The following ROR2 variants were observed in gnomAD, a reference collection of about 807,000 sequenced individuals.
The protein encoded by ROR2 is ROR family WNT receptor 2, also known as tyrosine-protein kinase transmembrane receptor ROR2.
A neutral mutation model predicts 74.9 loss-of-function variants in ROR2; 33 were observed. The ratio of observed to expected loss-of-function variants is 0.44; its 90% CI spans 0.33 to 0.59. The LOEUF is 0.59. ROR2 is among the 20% of genes least tolerant of loss of function. The pLI, the probability that ROR2 is intolerant of heterozygous loss-of-function variation, is 0.02. For missense variants in ROR2, 1,216 were observed against 1,313.8 expected, an observed-to-expected ratio of 0.93 and a Z score of 1.15; for synonymous variants, 586 against 558.7, an observed-to-expected ratio of 1.05 and a Z score of -0.69.
intron 1 of ROR2, among the ~76,000 whole-genome samples, chr9:91,865,669 A>G (rs879583670): frequency 1.3e-5 from 2 of 152,254 alleles, no homozygotes; most frequent in Non-Finnish European, 2.9e-5. Flanking sequence ...TTTATTTTAA[A>G]TGAAATACTA....
chr9:91,859,197 C>T lies in ROR2; in HGVS notation c.98-83379G>A, dbSNP rs867780739. 8.5e-3 allele frequency among the ~76,000 whole-genome samples: 1,034 copies of T among 121,322 alleles called. 19 individuals carry two copies. Among genetic ancestry groups the T allele is most frequent in the African/African-American group, 0.035 (965 of 27,862 alleles). 79.6% of individuals were successfully genotyped at this position (121,322 alleles called of 152,430 possible). ...CAAGAAGGACCATCTGAAAGTATTCCTTTTTTTTTTTTTTTTTTTTTTGAG... is the reference window on the plus strand; with the variant it reads ...CAAGAAGGACCATCTGAAAGTATTCTTTTTTTTTTTTTTTTTTTTTTTGAG... On this transcript the variant is annotated intron_variant, in intron 1 of 8. Transcript: ENST00000375708.
chr9:91,789,081 T>C lies in ROR2; in HGVS notation c.98-13263A>G, dbSNP rs566657344. On this transcript the variant is annotated intron_variant, in intron 1 of 8. Transcript: ENST00000375708. Reference sequence around the variant, plus strand: ...TAACAATGTAATGTATACTTCACGATAGCTAGAAGAGAAGTTTTTTAATGT... The same window carrying C: ...TAACAATGTAATGTATACTTCACGACAGCTAGAAGAGAAGTTTTTTAATGT... 3.6e-3 allele frequency among the ~76,000 whole-genome samples: 555 copies of C among 152,266 alleles called. 1 individual carries two copies. Among genetic ancestry groups the C allele is most frequent in the African/African-American group, 0.013 (535 of 41,544 alleles).
At chr9:91,902,388 T>C (rs1378171332) in intron 1 of ROR2, among the ~76,000 whole-genome samples, 1 of 152,052 alleles carries the variant, frequency 6.6e-6, no homozygotes, top group Non-Finnish European at 1.5e-5. Context: ...AGGCCCTCCA[T>C]CACCTCTCCA....
intron 1 of ROR2, among the ~76,000 whole-genome samples, chr9:91,808,687 G>A (rs1359449797): frequency 6.6e-6 from 1 of 151,724 alleles, no homozygotes; most frequent in African/African-American, 2.4e-5. Flanking sequence ...GGCTGGGCAC[G>A]GTGGCTCACG....
intron 1 of ROR2, among the ~76,000 whole-genome samples, chr9:91,818,936 T>C (rs1290189805): frequency 2.0e-5 from 3 of 152,144 alleles, no homozygotes; most frequent in African/African-American, 7.2e-5. Flanking sequence ...CTCCCTCTTC[T>C]GCAGGTCATG....
At chr9:91,874,287 C>T (rs1829892403) in intron 1 of ROR2, among the ~76,000 whole-genome samples, 1 of 152,230 alleles carries the variant, frequency 6.6e-6, no homozygotes, top group South Asian at 2.1e-4. Context: ...GGAGGCTCTG[C>T]ACACTCGCTC....
In ROR2 at chr9:91,757,363, G is replaced by A. The variant is rs145568368; in HGVS notation, c.372C>T (p.Asp124=). Residue 124 remains aspartate, a synonymous_variant, in exon 3 of 9, where the codon GAC becomes GAT. Transcript: ENST00000375708. The part of the protein sequence containing the change: ...TEYGSRLRIQ[D]LDTTDTGYYQ... ...AGTAGCCAGTGTCTGTCGTGTCCAG[G>A]TCCTGGATTCGCAGTCGTGAACCAT... The A allele has an allele frequency of 3.6e-3, 5,832 of 1,613,978 alleles. 26 individuals are homozygous for A. The highest frequency in any genetic ancestry group is 4.7e-3 in the South Asian group (428 of 91,052).
At chr9:91,857,091 C>T (rs1053208991) in intron 1 of ROR2, among the ~76,000 whole-genome samples, 1 of 152,260 alleles carries the variant, frequency 6.6e-6, no homozygotes, top group African/African-American at 2.4e-5. Context: ...CACTTATGTG[C>T]AGTGTGGCAG....
chr9:91,830,667 G>A (rs1265184152), intron 1 of ROR2, among the ~76,000 whole-genome samples: 12 of 141,858 alleles, frequency 8.5e-5, no homozygotes, highest in Admixed American at 8.1e-4. Flanking sequence ...ATGGAGCTTC[G>A]AGTTTATTTT....
At chr9:91,800,691 C>T (rs575944845) in intron 1 of ROR2, among the ~76,000 whole-genome samples, 2 of 152,318 alleles carry the variant, frequency 1.3e-5, no homozygotes, top group East Asian at 1.9e-4. Flanking sequence ...GAGCACAGCA[C>T]GTGGGCATCA....
At chr9:91,735,651 A>T (rs1220828673) in intron 5 of ROR2, among the ~76,000 whole-genome samples, 4 of 90,540 alleles carry the variant, frequency 4.4e-5, no homozygotes, top group South Asian at 8.0e-4. Flanking sequence ...TTTGAGACAG[A>T]GTCTTGCTCT....
chr9:91,731,291 G>C, intron 6 of ROR2, 136 bp from the exon 7 acceptor site: 1 of 1,232,620 alleles, frequency 8.1e-7, no homozygotes, highest in Non-Finnish European at 1.2e-6. Flanking sequence ...AAAAGTAATG[G>C]CTTAATGAAG....
At chr9:91,776,926 AT>A (rs1296497016) in intron 1 of ROR2, among the ~76,000 whole-genome samples, 1 of 152,206 alleles carries the variant, frequency 6.6e-6, no homozygotes, top group African/African-American at 2.4e-5. Flanking sequence ...CACTAGCCCA[AT>A]TTCCCTGTGG....
intron 1 of ROR2, among the ~76,000 whole-genome samples, chr9:91,781,654 T>C (rs1397711456): frequency 3.9e-5 from 6 of 152,198 alleles, no homozygotes; most frequent in East Asian, 1.9e-4. Context: ...CAGTACCTAA[T>C]TGGTAGTGGT....
chr9:91,885,868 C>CTTTTTTTTTT (rs542499117), intron 1 of ROR2, among the ~76,000 whole-genome samples: 1 of 108,158 alleles, frequency 9.2e-6, no homozygotes, highest in Non-Finnish European at 1.8e-5. Flanking sequence ...GTATGGTTTC[C>CTTTTTTTTTT]TTTTTTTTTT....
At chr9:91,765,651 T>C (rs1279569436) in intron 2 of ROR2, among the ~76,000 whole-genome samples, 1 of 152,238 alleles carries the variant, frequency 6.6e-6, no homozygotes, top group Non-Finnish European at 1.5e-5. Flanking sequence ...ATCTCTCATC[T>C]GACCTCCAGG....
At position 91,756,743 on chromosome 9, in the gene ROR2, CTTTTTT is replaced by C. The variant is rs557043787; in HGVS notation, c.463+523_463+528del. 5.9e-3 allele frequency among the ~76,000 whole-genome samples: 609 copies of C among 104,062 alleles called. 4 individuals carry two copies. The highest frequency in any genetic ancestry group is 0.018 in the African/African-American group (512 of 27,986). 68.3% of individuals were successfully genotyped at this position (104,062 alleles called of 152,430 possible). On this transcript the variant is annotated intron_variant, in intron 3 of 8. Transcript: ENST00000375708. ...TCTGCACCTATTTTCTTTTTGTTCT[CTTTTTT>C]TTTTTTTTTTTTTTTTTTGAGACAG...
chr9:91,916,215 T>C (rs1330919960), intron 1 of ROR2, among the ~76,000 whole-genome samples: 2 of 152,226 alleles, frequency 1.3e-5, no homozygotes, highest in Non-Finnish European at 2.9e-5. Flanking sequence ...CAACTAATCT[T>C]TTTGGCACCT....
At chr9:91,816,506 T>A (rs1237820664) in intron 1 of ROR2, among the ~76,000 whole-genome samples, 1 of 152,096 alleles carries the variant, frequency 6.6e-6, no homozygotes, top group Non-Finnish European at 1.5e-5. Flanking sequence ...TTCCTCGGCC[T>A]TGCCCCGAAT....
Sources: allele counts gnomAD v4.1 joint callset (sites outside exome capture counted in the v4.1 genomes callset), GRCh38; gene constraint gnomAD v4.1.1; transcripts MANE v1.5; gene names NCBI Gene and HGNC (gene_info 2026-07-23, HGNC 2026-07-21).